Variants in GPHN observed in about 807,000 individuals in gnomAD.
GPHN encodes the protein gephyrin.
In GPHN, 17 loss-of-function variants were observed where a neutral mutation model predicts 95.5. That is an observed-to-expected ratio of 0.18 (90% CI 0.12 to 0.27). The LOEUF (loss-of-function observed/expected upper bound fraction) is 0.27, where lower values mean the gene tolerates loss of function less well. Ranked by LOEUF, GPHN falls within the 10% of genes least tolerant of loss-of-function variation. The probability of loss-of-function intolerance (pLI) is 1.00; values close to 1 mark genes in which losing one functional copy is unlikely to be tolerated. For missense variants in GPHN, 660 were observed against 978.1 expected (o/e 0.67, Z 4.34); for synonymous variants, 320 against 322.5 (o/e 0.99, Z 0.08).
chr14:67,438,236 G>C, the GPHN span, among the ~76,000 whole-genome samples: 2,191 of 152,276 alleles, frequency 0.014, 62 homozygotes, highest in African/African-American at 0.05. Context: ...CAGTGCCCTG[G>C]CTTGGGTCAG....
chr14:67,137,960 A>C (rs1326388567), intron 17 of GPHN, among the ~76,000 whole-genome samples: 1 of 152,170 alleles, frequency 6.6e-6, no homozygotes, highest in African/African-American at 2.4e-5. Context: ...TAGCCCCTCT[A>C]GTGGCAGTGG....
intron 2 of GPHN, among the ~76,000 whole-genome samples, chr14:66,708,365 A>G (rs2069290742): frequency 6.6e-6 from 1 of 152,170 alleles, no homozygotes; most frequent in African/African-American, 2.4e-5. Context: ...CCATGCTTCC[A>G]CAAATGTTTT....
At chr14:66,731,259 C>G (rs1342978999) in intron 2 of GPHN, among the ~76,000 whole-genome samples, 1 of 152,126 alleles carries the variant, frequency 6.6e-6, no homozygotes, top group Non-Finnish European at 1.5e-5. Flanking sequence ...TAGAGATACC[C>G]AAAAAGGTGG....
At chr14:67,109,403 G>T (rs1460006842) in intron 13 of GPHN, among the ~76,000 whole-genome samples, 1 of 152,172 alleles carries the variant, frequency 6.6e-6, no homozygotes, top group African/African-American at 2.4e-5. Context: ...TCTATCAGAT[G>T]AATCTTACAG....
chr14:66,851,916 G>T (rs1445055753), intron 4 of GPHN, among the ~76,000 whole-genome samples: 1 of 152,156 alleles, frequency 6.6e-6, no homozygotes, highest in Non-Finnish European at 1.5e-5. Flanking sequence ...GAACCTAGAA[G>T]TAGACAGTGT....
chr14:67,468,035 G>A, the GPHN span, among the ~76,000 whole-genome samples: 1 of 151,948 alleles, frequency 6.6e-6, no homozygotes, highest in Non-Finnish European at 1.5e-5. Flanking sequence ...GTGCAATGGT[G>A]CGATCTCGGC....
chr14:67,511,354 C>CAA, the GPHN span, among the ~76,000 whole-genome samples: 1 of 151,102 alleles, frequency 6.6e-6, no homozygotes, highest in South Asian at 2.1e-4. Context: ...TTTAAAAAAA[C>CAA]AAAAAAACAA....
At chr14:67,694,489 C>CACACATAT in the GPHN span, among the ~76,000 whole-genome samples, 2 of 144,188 alleles carry the variant, frequency 1.4e-5, no homozygotes, top group African/African-American at 5.2e-5. Context: ...CACACACACA[C>CACACATAT]ATATATATAT....
intron 3 of GPHN, among the ~76,000 whole-genome samples, chr14:66,802,764 G>A (rs1159044143): frequency 6.6e-6 from 1 of 152,146 alleles, no homozygotes; most frequent in African/African-American, 2.4e-5. Context: ...CTAGGGCCTA[G>A]AACGAGGACC....
chr14:67,117,333 A>G (rs940567965), intron 16 of GPHN, among the ~76,000 whole-genome samples: 19 of 152,248 alleles, frequency 1.2e-4, no homozygotes, highest in Non-Finnish European at 2.4e-4. Context: ...AAGTACTTCA[A>G]AATGACCACT....
At chr14:67,683,217 A>G in the GPHN span, among the ~76,000 whole-genome samples, 6,546 of 152,306 alleles carry the variant, frequency 0.043, 261 homozygotes, top group East Asian at 0.14. Context: ...AGTCAATCCA[A>G]TAGTAAGTTA....
intron 9 of GPHN, among the ~76,000 whole-genome samples, chr14:67,013,520 T>C (rs903708779): frequency 6.6e-6 from 1 of 152,110 alleles, no homozygotes; most frequent in African/African-American, 2.4e-5. Flanking sequence ...AACAACATAA[T>C]GTACGCCATA....
At chr14:67,690,353 C>T in the GPHN span, 1 of 1,614,162 alleles carries the variant, frequency 6.2e-7, no homozygotes, top group East Asian at 2.2e-5. Context: ...AGGGAAGACA[C>T]ATTTACTATC....
the GPHN span, chr14:67,199,961 T>A: frequency 7.9e-7 from 1 of 1,273,232 alleles, no homozygotes; most frequent in Non-Finnish European, 1.1e-6. Flanking sequence ...CCAGGAGGAG[T>A]GCCCCATCCA....
the GPHN span, among the ~76,000 whole-genome samples, chr14:67,712,493 CAA>C: frequency 0.014 from 526 of 38,758 alleles, 9 homozygotes; most frequent in East Asian, 0.15. Flanking sequence ...AAAAAACTTG[CAA>C]AAAAAAAAAA....
the GPHN span, among the ~76,000 whole-genome samples, chr14:67,450,220 C>T: frequency 6.6e-6 from 1 of 151,984 alleles, no homozygotes; most frequent in Non-Finnish European, 1.5e-5. Flanking sequence ...AGTCATTAAA[C>T]CTCTTTCTTT....
At chr14:67,321,392 GCTATCTGAAATCA>G in the GPHN span, 1,038 of 803,518 alleles carry the variant, frequency 1.3e-3, 6 homozygotes, top group African/African-American at 0.016. Flanking sequence ...CCACTGATTT[GCTATCTGAAATCA>G]CACAGGTTGC....
the GPHN span, chr14:67,576,152 T>C: frequency 1.5e-6 from 1 of 687,248 alleles, no homozygotes; most frequent in Non-Finnish European, 2.4e-6. This position sits in a 1 kb window ranked among gnomAD's most constrained non-coding sequence, Gnocchi z 4.0. Flanking sequence ...GGAATATTCC[T>C]TTATACTGAA....
At chr14:67,352,821 A>C in the GPHN span, 1 of 752,004 alleles carries the variant, frequency 1.3e-6, no homozygotes, top group Non-Finnish European at 2.1e-6. Flanking sequence ...TTACTTTTGA[A>C]AGAAAAAAAT....
Sources: gnomAD v4.1 joint callset for allele counts (sites outside exome capture counted in the v4.1 genomes callset) on GRCh38, gnomAD v4.1.1 for gene constraint, Gnocchi (gnomAD v3.1) non-coding constraint, MANE v1.5 for transcripts, NCBI Gene and HGNC (gene_info 2026-07-23, HGNC 2026-07-21) for gene names.